SULT4A1: variants seen among roughly 807,000 people sequenced by gnomAD.
The protein encoded by SULT4A1 is sulfotransferase family 4A member 1, also known as sulfotransferase 4A1.
A neutral mutation model predicts 35.2 loss-of-function variants in SULT4A1; 11 were observed. That is an observed-to-expected ratio of 0.31 (90% CI 0.20 to 0.52). The LOEUF (loss-of-function observed/expected upper bound fraction) is 0.52, where lower values mean the gene tolerates loss of function less well. SULT4A1 is among the 20% of genes least tolerant of loss of function. The probability of loss-of-function intolerance (pLI) is 0.97; values close to 1 mark genes in which losing one functional copy is unlikely to be tolerated. For missense variants in SULT4A1, 271 were observed against 383.7 expected, an observed-to-expected ratio of 0.71 and a Z score of 2.45; for synonymous variants, 152 against 151.8, an observed-to-expected ratio of 1.00 and a Z score of -0.01.
chr22:43,833,422 C>T lies in SULT4A1; in HGVS notation c.603+218G>A, dbSNP rs141443474. 3.8e-3 allele frequency among the ~76,000 whole-genome samples: 582 copies of T among 152,028 alleles called. 3 individuals carry two copies. The highest frequency in any genetic ancestry group is 6.8e-3 in the Middle Eastern group (2 of 294). On this transcript the variant is annotated intron_variant, in intron 5 of 6. Transcript: ENST00000330884. ...CCCGCCTTCCTGGGTCCCTCAGCCT[C>T]GCACGGCATGGCTGCCCTGCCACAC... is the stretch of plus-strand genomic sequence containing the variant.
chr22:43,856,338 T>G (rs990947104), intron 1 of SULT4A1, among the ~76,000 whole-genome samples: 1 of 152,146 alleles, frequency 6.6e-6, no homozygotes, highest in African/African-American at 2.4e-5. Flanking sequence ...GGCAGGAAAC[T>G]GTCCCTGGGC....
intron 2 of SULT4A1, among the ~76,000 whole-genome samples, chr22:43,840,626 G>A (rs2063419386): frequency 1.3e-5 from 2 of 152,188 alleles, no homozygotes; most frequent in African/African-American, 4.8e-5. Flanking sequence ...GGTGCTGCCA[G>A]GCTGGCGCTG....
At chr22:43,844,981 A>C (rs1334929031) in intron 1 of SULT4A1, among the ~76,000 whole-genome samples, 18 of 152,106 alleles carry the variant, frequency 1.2e-4, no homozygotes, top group Non-Finnish European at 2.4e-4. Flanking sequence ...CAGGCAGGAC[A>C]CCCAACCAGA....
chr22:43,845,389 C>T (rs751776348), intron 1 of SULT4A1, among the ~76,000 whole-genome samples: 2 of 152,204 alleles, frequency 1.3e-5, no homozygotes, highest in Non-Finnish European at 2.9e-5. Flanking sequence ...CTGTCTCCTC[C>T]GCAGCATCCG....
chr22:43,838,329 T>C (rs1302099978), intron 4 of SULT4A1, among the ~76,000 whole-genome samples: 1 of 152,188 alleles, frequency 6.6e-6, no homozygotes, highest in African/African-American at 2.4e-5. Context: ...GCTGTCCTCC[T>C]CCCTGCGGGC....
intron 6 of SULT4A1, among the ~76,000 whole-genome samples, chr22:43,828,191 G>T (rs111608080): frequency 1.4e-4 from 22 of 152,186 alleles, no homozygotes; most frequent in Non-Finnish European, 2.6e-4. Context: ...ACGTTTCTGG[G>T]CCCTCCCTGC....
At chr22:43,835,634 C>G (rs1464307454) in intron 4 of SULT4A1, among the ~76,000 whole-genome samples, 1 of 152,070 alleles carries the variant, frequency 6.6e-6, no homozygotes, top group African/African-American at 2.4e-5. Flanking sequence ...CGACTGCAGC[C>G]CATCATCGGT....
intron 5 of SULT4A1, among the ~76,000 whole-genome samples, chr22:43,832,516 A>T (rs1298908162): frequency 1.3e-5 from 2 of 152,126 alleles, no homozygotes; most frequent in Non-Finnish European, 2.9e-5. Context: ...GTGTGTGAGC[A>T]CAAAGCAACC....
Position 43,825,890 on chromosome 22 carries a change from T to C in SULT4A1, c.*111A>G. ...CGCCGCTCTTCCCTTCCCCCGCTGT[T>C]TCACACGCTGCTTCCAGAGTTTGTC... On this transcript the variant is annotated 3_prime_UTR_variant, in exon 7 of 7. Coordinates refer to ENST00000330884, the MANE Select transcript of SULT4A1 (RefSeq NM_014351.4). The C allele has an allele frequency of 4.5e-6, 5 of 1,118,910 alleles. No homozygotes were observed. Among genetic ancestry groups the C allele is most frequent in the Non-Finnish European group, 5.2e-6 (4 of 768,104 alleles). 69.3% of individuals were successfully genotyped at this position (1,118,910 alleles called of 1,614,324 possible).
rs11704970 is a variant in SULT4A1, at chr22:43,836,341, C to G, written c.508+2526G>C. On this transcript the variant is annotated intron_variant, in intron 4 of 6. Transcript: ENST00000330884. ...CCTCACACTGCAGGTGCCACAGGGA[C>G]CCTGTCTACACAGCGTCCTCCAACT... 4.3e-4 allele frequency among the ~76,000 whole-genome samples: 51 copies of G among 117,986 alleles called. 1 individual carries two copies. The highest frequency in any genetic ancestry group is 1.7e-3 in the African/African-American group (48 of 28,538). The allele number at this position is 117,986 out of a possible 152,430, so 77.4% of individuals were successfully genotyped here.
chr22:43,862,484 G>C lies in SULT4A1; in HGVS notation c.-102C>G. ...GCCCCGCACACGCTCGCGCCCCACCGGCGCGCGGCGGCAGCTCCGCAGGCG... is the reference window on the plus strand; with the variant it reads ...GCCCCGCACACGCTCGCGCCCCACCCGCGCGCGGCGGCAGCTCCGCAGGCG... On this transcript the variant is annotated 5_prime_UTR_variant, in exon 1 of 7. Coordinates refer to ENST00000330884, the MANE Select transcript of SULT4A1 (RefSeq NM_014351.4). 1.0e-6 allele frequency: 1 copy of C among 952,532 alleles called. No homozygotes were observed. Among genetic ancestry groups the C allele is most frequent in the Non-Finnish European group, 1.2e-6 (1 of 804,938 alleles). The allele number at this position is 952,532 out of a possible 1,614,324, so 59.0% of individuals were successfully genotyped here. A position where few individuals can be genotyped will look rare whatever the true frequency, so the allele number is the denominator to read the frequency against.
At chr22:43,827,298 G>A (rs1208318887) in intron 6 of SULT4A1, 1 of 985,278 alleles carries the variant, frequency 1.0e-6, no homozygotes, top group African/African-American at 1.7e-5. Context: ...CTGCAACCCT[G>A]CAAATGCTGA....
chr22:43,856,844 G>C (rs976089787), intron 1 of SULT4A1, among the ~76,000 whole-genome samples: 1 of 152,036 alleles, frequency 6.6e-6, no homozygotes. Context: ...TTGAAAAGCC[G>C]GCCTCATTTG....
intron 1 of SULT4A1, 81 bp from the exon 2 acceptor site, chr22:43,842,013 C>T: frequency 6.6e-7 from 1 of 1,524,680 alleles, no homozygotes. Flanking sequence ...CACCTGCTGC[C>T]CAAGAAGGGG....
At chr22:43,853,154 AAC>A (rs963026063) in intron 1 of SULT4A1, among the ~76,000 whole-genome samples, 32 of 151,650 alleles carry the variant, frequency 2.1e-4, no homozygotes, top group Non-Finnish European at 4.3e-4. Flanking sequence ...TCCACACACA[AAC>A]ACACAACACA....
intron 5 of SULT4A1, among the ~76,000 whole-genome samples, chr22:43,831,760 G>A (rs1328741136): frequency 6.6e-6 from 1 of 152,264 alleles, no homozygotes; most frequent in African/African-American, 2.4e-5. Context: ...TCCGGTGAGG[G>A]AGATGAAACC....
At chr22:43,851,121 C>T (rs2063507758) in intron 1 of SULT4A1, among the ~76,000 whole-genome samples, 1 of 152,052 alleles carries the variant, frequency 6.6e-6, no homozygotes, top group African/African-American at 2.4e-5. Context: ...TTTTATTCTA[C>T]TTCCTGGGCT....
At chr22:43,848,344 G>A (rs891889104) in intron 1 of SULT4A1, among the ~76,000 whole-genome samples, 1 of 152,218 alleles carries the variant, frequency 6.6e-6, no homozygotes, top group Admixed American at 6.5e-5. Context: ...TGGGGCACCA[G>A]CAACAGGGCC....
intron 1 of SULT4A1, among the ~76,000 whole-genome samples, chr22:43,861,289 A>G (rs1169512062): frequency 6.6e-6 from 1 of 152,152 alleles, no homozygotes. Context: ...GTCCGGCGTG[A>G]CCTTAGAGCC....
Sources: allele counts gnomAD v4.1 joint callset (sites outside exome capture counted in the v4.1 genomes callset), GRCh38; gene constraint gnomAD v4.1.1; transcripts MANE v1.5; gene names NCBI Gene and HGNC (gene_info 2026-07-23, HGNC 2026-07-21).